The following PTPRD variants were observed in gnomAD, a reference collection of about 807,000 sequenced individuals.
PTPRD encodes the protein receptor-type tyrosine-protein phosphatase delta.
A neutral mutation model predicts 214.5 loss-of-function variants in PTPRD; 34 were observed. The observed-to-expected ratio is 0.16, with a 90% CI of 0.12 to 0.21. The LOEUF (loss-of-function observed/expected upper bound fraction) is 0.21. Ranked by LOEUF, PTPRD falls within the 10% of genes least tolerant of loss-of-function variation. PTPRD has a pLI of 1.00. For synonymous variants in PTPRD, 1,128 were observed against 845.7 expected (o/e 1.33, Z -5.79); for missense variants, 2,545 against 2,398.7 (o/e 1.06, Z -1.27).
At chr9:9,067,129 G>C (rs2099735882) in intron 10 of PTPRD, among the ~76,000 whole-genome samples, 1 of 152,054 alleles carries the variant, frequency 6.6e-6, no homozygotes, top group South Asian at 2.1e-4. Context: ...TGTAATTCTG[G>C]TTACTCAGGA....
At chr9:9,031,302 A>G (rs2099604594) in intron 10 of PTPRD, among the ~76,000 whole-genome samples, 1 of 152,062 alleles carries the variant, frequency 6.6e-6, no homozygotes, top group Admixed American at 6.6e-5. Flanking sequence ...ACTTAATGAC[A>G]GCGATTTATT....
intron 2 of PTPRD, among the ~76,000 whole-genome samples, chr9:10,591,296 C>A (rs1320528268): frequency 6.6e-6 from 1 of 151,930 alleles, no homozygotes; most frequent in Non-Finnish European, 1.5e-5. Flanking sequence ...CAGTGGCAGA[C>A]AAATTTAAAG....
At chr9:10,602,905 G>A (rs909341210) in intron 2 of PTPRD, among the ~76,000 whole-genome samples, 8 of 151,684 alleles carry the variant, frequency 5.3e-5, no homozygotes, top group African/African-American at 1.5e-4. Context: ...GATCCTAAAT[G>A]TCACTCCACT....
intron 2 of PTPRD, among the ~76,000 whole-genome samples, chr9:10,374,988 A>G (rs2097699975): frequency 6.6e-6 from 1 of 152,074 alleles, no homozygotes. Flanking sequence ...CTATGGAAAC[A>G]TAGAAAAACT....
At chr9:10,055,920 C>T (rs1256819559) in intron 3 of PTPRD, among the ~76,000 whole-genome samples, 1 of 151,340 alleles carries the variant, frequency 6.6e-6, no homozygotes, top group Non-Finnish European at 1.5e-5. Context: ...GTACTTACTG[C>T]AACATCTGAT....
At chr9:9,432,603 T>G (rs970110830) in intron 8 of PTPRD, among the ~76,000 whole-genome samples, 6 of 152,130 alleles carry the variant, frequency 3.9e-5, no homozygotes, top group African/African-American at 1.2e-4. Flanking sequence ...CATTGAAAAA[T>G]AAACCCAACA....
intron 3 of PTPRD, among the ~76,000 whole-genome samples, chr9:10,139,400 C>T (rs2098966470): frequency 1.3e-5 from 2 of 151,640 alleles, no homozygotes; most frequent in African/African-American, 4.8e-5. Flanking sequence ...AATGGAAAAA[C>T]ATTCCATTCT....
intron 39 of PTPRD, among the ~76,000 whole-genome samples, chr9:8,371,020 G>C (rs2081359135): frequency 6.6e-6 from 1 of 152,054 alleles, no homozygotes; most frequent in South Asian, 2.1e-4. Flanking sequence ...AAGATTATTT[G>C]ATGTTGAATA....
intron 10 of PTPRD, among the ~76,000 whole-genome samples, chr9:9,172,625 C>A (rs1053491813): frequency 7.2e-5 from 11 of 152,032 alleles, no homozygotes; most frequent in African/African-American, 2.7e-4. Flanking sequence ...CTGTATGTTC[C>A]CTAGGCACTG....
At chr9:8,786,571 C>T (rs753635513) in intron 11 of PTPRD, among the ~76,000 whole-genome samples, 18 of 151,922 alleles carry the variant, frequency 1.2e-4, no homozygotes, top group South Asian at 4.2e-4. Context: ...CCCGCCACCA[C>T]GCCCGGCTAA....
chr9:9,991,317 A>G (rs1374169478), intron 4 of PTPRD, among the ~76,000 whole-genome samples: 1 of 152,084 alleles, frequency 6.6e-6, no homozygotes, highest in Non-Finnish European at 1.5e-5. Flanking sequence ...AGAGAGTGAA[A>G]AAACAAACAT....
At chr9:9,717,025 G>T (rs568487339) in intron 7 of PTPRD, among the ~76,000 whole-genome samples, 1 of 151,874 alleles carries the variant, frequency 6.6e-6, no homozygotes, top group African/African-American at 2.4e-5. Flanking sequence ...ATTGATTTTT[G>T]TATAAGGTGT....
At chr9:9,923,123 G>GTGTGTGTGTGTGT (rs1555340190) in intron 5 of PTPRD, among the ~76,000 whole-genome samples, 2,057 of 145,026 alleles carry the variant, frequency 0.014, 46 homozygotes, top group African/African-American at 0.049. Context: ...GTGTGTGGGG[G>GTGTGTGTGTGTGT]GTGTGTGTGT....
intron 3 of PTPRD, among the ~76,000 whole-genome samples, chr9:10,108,960 G>A (rs60541640): frequency 0.053 from 7,988 of 151,338 alleles, 275 homozygotes; most frequent in Admixed American, 0.1. Flanking sequence ...AGATTCCCTC[G>A]CTTGAAAACC....
intron 3 of PTPRD, among the ~76,000 whole-genome samples, chr9:10,112,825 C>G (rs2098702405): frequency 6.6e-6 from 1 of 152,170 alleles, no homozygotes; most frequent in African/African-American, 2.4e-5. Context: ...CTAAGGATGA[C>G]CCAATGTTCA....
At chr9:9,583,435 G>A (rs1279391276) in intron 7 of PTPRD, among the ~76,000 whole-genome samples, 1 of 151,894 alleles carries the variant, frequency 6.6e-6, no homozygotes, top group Admixed American at 6.6e-5. Flanking sequence ...CTATAAATGG[G>A]TGCATTCCAA....
At chr9:10,392,847 T>A (rs1247162678) in intron 2 of PTPRD, among the ~76,000 whole-genome samples, 7 of 151,824 alleles carry the variant, frequency 4.6e-5, no homozygotes, top group African/African-American at 1.7e-4. Flanking sequence ...GTACAGACAT[T>A]TGCTGGAATA....
intron 11 of PTPRD, among the ~76,000 whole-genome samples, chr9:8,905,655 C>T (rs1231081939): frequency 6.7e-6 from 1 of 150,240 alleles, no homozygotes; most frequent in Admixed American, 6.7e-5. Context: ...AGGAGAATCA[C>T]TTGAACCAGG....
chr9:9,678,339 CA>C (rs1214922280), intron 7 of PTPRD, among the ~76,000 whole-genome samples: 2 of 151,972 alleles, frequency 1.3e-5, no homozygotes, highest in Non-Finnish European at 2.9e-5. Flanking sequence ...CTACAGTAAC[CA>C]AAACAACATG....
Sources: allele counts gnomAD v4.1 joint callset (sites outside exome capture counted in the v4.1 genomes callset), GRCh38; gene constraint gnomAD v4.1.1; transcripts MANE v1.5; gene names NCBI Gene and HGNC (gene_info 2026-07-23, HGNC 2026-07-21).